DLGAP2: variants seen among roughly 807,000 people sequenced by gnomAD.
The protein encoded by DLGAP2 is disks large-associated protein 2.
DLGAP2 carries 26 observed loss-of-function variants against 100.3 expected under a neutral mutation model. The ratio of observed to expected loss-of-function variants is 0.26; its 90% CI spans 0.19 to 0.36. The LOEUF is 0.36. Ranked by LOEUF, DLGAP2 falls within the 10% of genes least tolerant of loss-of-function variation. The pLI, the probability that DLGAP2 is intolerant of heterozygous loss-of-function variation, is 1.00. For synonymous variants in DLGAP2, 886 were observed against 630.1 expected (o/e 1.41, Z -6.08); for missense variants, 1,858 against 1,453.2 (o/e 1.28, Z -4.53).
At chr8:1,227,675 G>C (rs1056682200) in intron 2 of DLGAP2, among the ~76,000 whole-genome samples, 63 of 152,120 alleles carry the variant, frequency 4.1e-4, no homozygotes, top group African/African-American at 1.3e-3. Context: ...GCAGACACAG[G>C]AAGAAAAATA....
At chr8:1,421,923 G>A (rs1361216148) in intron 3 of DLGAP2, among the ~76,000 whole-genome samples, 1 of 152,126 alleles carries the variant, frequency 6.6e-6, no homozygotes, top group Admixed American at 6.6e-5. Flanking sequence ...CCGTGATCAT[G>A]CCATTGCACT....
intron 2 of DLGAP2, among the ~76,000 whole-genome samples, chr8:1,200,936 C>A (rs964425461): frequency 2.0e-5 from 3 of 152,210 alleles, no homozygotes; most frequent in African/African-American, 7.2e-5. Context: ...GATTCAGCTC[C>A]AGGAGCGTGT....
At chr8:1,005,437 C>A (rs1244256682) in intron 2 of DLGAP2, among the ~76,000 whole-genome samples, 1 of 126,880 alleles carries the variant, frequency 7.9e-6, no homozygotes, top group East Asian at 2.4e-4. Context: ...GAGATGGGGT[C>A]TTGCTCTGTC....
At chr8:1,586,747 C>T (rs1053385041) in intron 6 of DLGAP2, among the ~76,000 whole-genome samples, 2 of 152,288 alleles carry the variant, frequency 1.3e-5, no homozygotes, top group East Asian at 1.9e-4. Context: ...TTAACATTAC[C>T]GTTGGGGAAC....
At chr8:1,256,644 C>T (rs1015951667) in intron 2 of DLGAP2, among the ~76,000 whole-genome samples, 37 of 152,296 alleles carry the variant, frequency 2.4e-4, no homozygotes, top group African/African-American at 8.7e-4. Flanking sequence ...GCGCCTCCTG[C>T]AATCAGATGC....
At chr8:1,033,596 A>G (rs1458219987) in intron 2 of DLGAP2, among the ~76,000 whole-genome samples, 2 of 152,198 alleles carry the variant, frequency 1.3e-5, no homozygotes, top group Non-Finnish European at 2.9e-5. Context: ...TGAGCCTAGG[A>G]TGCGGAGGTT....
chr8:1,477,632 T>A (rs1413216146), intron 3 of DLGAP2, among the ~76,000 whole-genome samples: 1 of 152,168 alleles, frequency 6.6e-6, no homozygotes, highest in Non-Finnish European at 1.5e-5. Context: ...ATAAACAGCC[T>A]CCTTCTGCCC....
chr8:1,341,742 AG>A (rs1172908791), intron 3 of DLGAP2, among the ~76,000 whole-genome samples: 1 of 152,112 alleles, frequency 6.6e-6, no homozygotes, highest in African/African-American at 2.4e-5. Flanking sequence ...GCACGTTAGC[AG>A]GGTGTGCTAG....
chr8:1,339,753 C>T (rs761220921), intron 3 of DLGAP2, among the ~76,000 whole-genome samples: 44 of 152,132 alleles, frequency 2.9e-4, no homozygotes, highest in Non-Finnish European at 5.1e-4. Flanking sequence ...ACCTGCCCTG[C>T]GCTGTGTGTT....
At chr8:1,330,924 C>T (rs1347940555) in intron 3 of DLGAP2, among the ~76,000 whole-genome samples, 1 of 147,248 alleles carries the variant, frequency 6.8e-6, no homozygotes, top group Non-Finnish European at 1.5e-5. Context: ...TTCATGGGGA[C>T]TGAGTTCTGG....
chr8:1,321,400 T>C (rs902792341), intron 3 of DLGAP2, among the ~76,000 whole-genome samples: 1 of 152,118 alleles, frequency 6.6e-6, no homozygotes. Context: ...TCTCTGCATG[T>C]GTGCATGCAT....
chr8:1,485,168 T>C, intron 3 of DLGAP2, among the ~76,000 whole-genome samples: 1 of 152,244 alleles, frequency 6.6e-6, no homozygotes, highest in East Asian at 1.9e-4. Context: ...CCCTGTCATT[T>C]TCCATAAAAT....
chr8:1,636,430 A>G (rs924963674), intron 8 of DLGAP2, among the ~76,000 whole-genome samples: 1 of 152,204 alleles, frequency 6.6e-6, no homozygotes, highest in South Asian at 2.1e-4. Context: ...TCCAAGATAC[A>G]TACTTGCCAA....
chr8:1,140,021 T>C (rs1176542531), intron 2 of DLGAP2, among the ~76,000 whole-genome samples: 2 of 152,188 alleles, frequency 1.3e-5, no homozygotes, highest in African/African-American at 4.8e-5. Context: ...TGGCACATTT[T>C]CATAACATTT....
chr8:741,066 A>T (rs922491901), intron 1 of DLGAP2, among the ~76,000 whole-genome samples: 2 of 152,230 alleles, frequency 1.3e-5, no homozygotes, highest in Non-Finnish European at 2.9e-5. Flanking sequence ...TTTACCAACT[A>T]GTTTTCATCA....
At chr8:774,824 C>T (rs1198034596) in intron 1 of DLGAP2, among the ~76,000 whole-genome samples, 1 of 145,182 alleles carries the variant, frequency 6.9e-6, no homozygotes, top group Non-Finnish European at 1.5e-5. Context: ...ATTGACTTGG[C>T]GATGCGGGCT....
chr8:742,428 G>C (rs1820511244), intron 1 of DLGAP2, among the ~76,000 whole-genome samples: 1 of 152,216 alleles, frequency 6.6e-6, no homozygotes, highest in South Asian at 2.1e-4. Context: ...AGGGTCCATA[G>C]AGTATGTATT....
intron 2 of DLGAP2, among the ~76,000 whole-genome samples, chr8:1,211,461 A>G (rs1438012215): frequency 2.6e-5 from 4 of 152,242 alleles, no homozygotes; most frequent in African/African-American, 9.6e-5. Context: ...TAAATCCAGA[A>G]TTCATTAAAA....
At chr8:1,673,425 C>T (rs1265190080) in intron 10 of DLGAP2, among the ~76,000 whole-genome samples, 2 of 152,220 alleles carry the variant, frequency 1.3e-5, no homozygotes, top group African/African-American at 4.8e-5. Flanking sequence ...TACTTAGCTC[C>T]TCCTGGCCAA....
Sources: gnomAD v4.1 joint callset for allele counts (sites outside exome capture counted in the v4.1 genomes callset) on GRCh38, gnomAD v4.1.1 for gene constraint, MANE v1.5 for transcripts, NCBI Gene and HGNC (gene_info 2026-07-23, HGNC 2026-07-21) for gene names.